The following GSE1 variants were observed in gnomAD, a reference collection of about 807,000 sequenced individuals.
GSE1 encodes genetic suppressor element 1.
In GSE1, 32 loss-of-function variants were observed where a neutral mutation model predicts 112.6. The ratio of observed to expected loss-of-function variants is 0.28; its 90% CI spans 0.21 to 0.38. The LOEUF is 0.38. Among genes scored for constraint, GSE1 ranks in the 10% least tolerant of loss-of-function variants. GSE1 has a pLI of 1.00. For synonymous variants in GSE1, 1,115 were observed against 735.6 expected, an observed-to-expected ratio of 1.52 and a Z score of -8.35; for missense variants, 2,348 against 1,699.2, an observed-to-expected ratio of 1.38 and a Z score of -6.71.
At chr16:85,338,937 A>G (rs1268972863) in intron 1 of GSE1, among the ~76,000 whole-genome samples, 1 of 152,206 alleles carries the variant, frequency 6.6e-6, no homozygotes. Context: ...CCTGGCCCGC[A>G]GCAGGCAGAA....
intron 1 of GSE1, among the ~76,000 whole-genome samples, chr16:85,222,367 A>G (rs2075409204): frequency 6.6e-6 from 1 of 152,222 alleles, no homozygotes; most frequent in South Asian, 2.1e-4. Flanking sequence ...CCCTTAGACC[A>G]CAGGGCGGGC....
intron 1 of GSE1, among the ~76,000 whole-genome samples, chr16:85,335,200 C>CTCCCTACACCCA (rs2046456969): frequency 6.6e-6 from 1 of 152,242 alleles, no homozygotes; most frequent in African/African-American, 2.4e-5. Context: ...ATCATTTTCT[C>CTCCCTACACCCA]TCCCTACACC....
chr16:85,178,336 C>T (rs1283171976), intron 1 of GSE1, among the ~76,000 whole-genome samples: 1 of 151,856 alleles, frequency 6.6e-6, no homozygotes, highest in Non-Finnish European at 1.5e-5. Context: ...AATGTGCTGG[C>T]GAACAGTCAT....
In GSE1 at chr16:85,450,158, G is replaced by T. The variant is rs1215497278; in HGVS notation, c.2464+92515G>T. Among the ~76,000 whole-genome samples the T allele has an allele frequency of 2.9e-5, 3 of 103,000 alleles. No homozygotes were observed. The Admixed American group carries it at 4.5e-4, about 16-fold the overall frequency. 67.6% of individuals were successfully genotyped at this position (103,000 alleles called of 152,430 possible). On this transcript the variant is annotated intron_variant, in intron 2 of 2. Coordinates refer to the GSE1 transcript ENST00000637419. ...TTTTTTGAGACGGAATTTCGCTCTT[G>T]TCGCCCAGGTTGGAGTGCAATAGTG... is the stretch of plus-strand genomic sequence containing the variant.
In GSE1 at chr16:85,672,501, C is replaced by T; in HGVS notation, c.3616C>T (p.His1206Tyr). 1 of 1,613,004 alleles carries T rather than the reference C, an allele frequency of 6.2e-7. No individual in the cohort carries two copies. The highest frequency in any genetic ancestry group is 1.3e-5 in the African/African-American group (1 of 75,034). ...LRKCLALPAM[H>Y]WPRGYLKGYP... ...AAAGTGCCTTGCCTTGCCTGCAATGCACTGGCCTAGGGGCTACCTGAAGGG... is the reference window on the plus strand; with the variant it reads ...AAAGTGCCTTGCCTTGCCTGCAATGTACTGGCCTAGGGGCTACCTGAAGGG... The change falls in exon 16 of 16, where the codon CAC becomes TAC. Residue 1206 changes from histidine (H) to tyrosine (Y), a missense_variant. Transcript: ENST00000253458.
At chr16:85,548,071 C>G (rs2044764187) in intron 2 of GSE1, among the ~76,000 whole-genome samples, 2 of 150,442 alleles carry the variant, frequency 1.3e-5, no homozygotes, top group African/African-American at 4.9e-5. Flanking sequence ...ACTAAAAATA[C>G]CAAAAAAATT....
intron 2 of GSE1, among the ~76,000 whole-genome samples, chr16:85,459,703 C>T (rs1384336958): frequency 6.6e-6 from 1 of 152,174 alleles, no homozygotes; most frequent in East Asian, 1.9e-4. Flanking sequence ...GTCTGCCCAC[C>T]CTGCAGAGGA....
In GSE1 at chr16:85,498,178, G is replaced by T. The variant is rs188547559; in HGVS notation, c.2465-135736G>T. Among the ~76,000 whole-genome samples, 447 of 152,256 alleles carry T rather than the reference G, an allele frequency of 2.9e-3. 3 individuals are homozygous for T. The highest frequency in any genetic ancestry group is 0.01 in the African/African-American group (427 of 41,538). On this transcript the variant is annotated intron_variant, in intron 2 of 2. Coordinates refer to the GSE1 transcript ENST00000637419. ...GCACACTCCCCCGTTTGTTCTGCAG[G>T]CTGCGATTCCTCTCCTGGGATCCTC...
At chr16:85,225,601 C>T (rs549110988) in intron 1 of GSE1, among the ~76,000 whole-genome samples, 11 of 152,260 alleles carry the variant, frequency 7.2e-5, no homozygotes, top group East Asian at 3.9e-4. Context: ...GGTGCGGTCA[C>T]GGTCTTAGGG....
intron 1 of GSE1, among the ~76,000 whole-genome samples, chr16:85,585,143 G>T (rs953919450): frequency 6.6e-6 from 1 of 152,240 alleles, no homozygotes; most frequent in Non-Finnish European, 1.5e-5. Flanking sequence ...CTTTCCACCT[G>T]CTGTTGTCTC....
At chr16:85,570,286 T>A (rs1434973354) in intron 1 of GSE1, among the ~76,000 whole-genome samples, 1 of 152,060 alleles carries the variant, frequency 6.6e-6, no homozygotes, top group Admixed American at 6.5e-5. Flanking sequence ...TGTGAGAGGC[T>A]GTCAAGTCTG....
chr16:85,268,225 A>G (rs1288564618), intron 1 of GSE1, among the ~76,000 whole-genome samples: 1 of 68,686 alleles, frequency 1.5e-5, no homozygotes, highest in East Asian at 4.1e-4. Flanking sequence ...TGGTACTGGC[A>G]CAAGGTGTGG....
At chr16:85,599,242 G>A (rs2047361856) in intron 1 of GSE1, among the ~76,000 whole-genome samples, 1 of 152,212 alleles carries the variant, frequency 6.6e-6, no homozygotes, top group African/African-American at 2.4e-5. Flanking sequence ...AGGTTCTTTT[G>A]GAGAGAGAGG....
chr16:85,433,020 T>C (rs2151763626), intron 2 of GSE1, among the ~76,000 whole-genome samples: 1 of 151,962 alleles, frequency 6.6e-6, no homozygotes, highest in East Asian at 1.9e-4. Context: ...TTTTCAGATC[T>C]GCTTGGGGGA....
chr16:85,340,408 G>C (rs907939313), intron 1 of GSE1, among the ~76,000 whole-genome samples: 1 of 152,092 alleles, frequency 6.6e-6, no homozygotes, highest in Non-Finnish European at 1.5e-5. Flanking sequence ...GGGAGACCGA[G>C]GCAGGAGGAT....
intron 1 of GSE1, among the ~76,000 whole-genome samples, chr16:85,260,319 C>T (rs370003223): frequency 1.9e-4 from 18 of 94,864 alleles, no homozygotes; most frequent in East Asian, 3.1e-4. Context: ...TTTTTCTTTT[C>T]TTTTTTTTTT....
At chr16:85,295,763 C>T (rs371349478) in intron 1 of GSE1, among the ~76,000 whole-genome samples, 2 of 123,654 alleles carry the variant, frequency 1.6e-5, no homozygotes, top group African/African-American at 6.2e-5. Flanking sequence ...CTGGCTAATT[C>T]GTAACTTTTT....
intron 1 of GSE1, among the ~76,000 whole-genome samples, chr16:85,252,282 T>C (rs12716758): frequency 0.6 from 90,136 of 151,408 alleles, 29,258 homozygotes; most frequent in African/African-American, 0.87. Flanking sequence ...GGCCTGGCTC[T>C]TGAGGGAATC....
chr16:85,267,891 A>T (rs1179618812), intron 1 of GSE1, among the ~76,000 whole-genome samples: 2 of 152,190 alleles, frequency 1.3e-5, no homozygotes, highest in African/African-American at 4.8e-5. Context: ...CCACAGACTA[A>T]CCGTCGGCCC....
Sources: gnomAD v4.1 joint callset for allele counts (sites outside exome capture counted in the v4.1 genomes callset) on GRCh38, gnomAD v4.1.1 for gene constraint, MANE v1.5 for transcripts, NCBI Gene and HGNC (gene_info 2026-07-23, HGNC 2026-07-21) for gene names.